IFIH1: variants seen among roughly 807,000 people sequenced by gnomAD.
The protein encoded by IFIH1 is interferon-induced helicase C domain-containing protein 1.
In IFIH1, 125 loss-of-function variants were observed where a neutral mutation model predicts 107.4. The observed-to-expected ratio is 1.16, with a 90% CI of 1.01 to 1.35. The LOEUF (loss-of-function observed/expected upper bound fraction) is 1.35, where lower values mean the gene tolerates loss of function less well. Among genes scored for constraint, IFIH1 ranks in the 40% most tolerant of loss-of-function variants. The probability of loss-of-function intolerance (pLI) is 0.00; values close to 1 mark genes in which losing one functional copy is unlikely to be tolerated. For synonymous variants in IFIH1, 458 were observed against 413.2 expected, an observed-to-expected ratio of 1.11 and a Z score of -1.31; for missense variants, 1,333 against 1,213.7, an observed-to-expected ratio of 1.10 and a Z score of -1.46.
At chr2:162,317,012 A>G (rs1327333038) in intron 1 of IFIH1, among the ~76,000 whole-genome samples, 2 of 143,956 alleles carry the variant, frequency 1.4e-5, no homozygotes. Flanking sequence ...GATTAAAGAA[A>G]AAGGGTGTGT....
chr2:162,295,817 G>A (rs1187963839), intron 3 of IFIH1, among the ~76,000 whole-genome samples: 1 of 151,910 alleles, frequency 6.6e-6, no homozygotes, highest in East Asian at 1.9e-4. Flanking sequence ...AGCGTTTTGG[G>A]CAGATGTACT....
At chr2:162,272,653 C>T (rs1691067216) in intron 12 of IFIH1, among the ~76,000 whole-genome samples, 1 of 152,080 alleles carries the variant, frequency 6.6e-6, no homozygotes, top group Non-Finnish European at 1.5e-5. Flanking sequence ...TCATCCTGTC[C>T]AGGCTTTTTG....
At position 162,273,929 on chromosome 2, in the gene IFIH1, C is replaced by T. The variant is rs763719865; in HGVS notation, c.2320G>A (p.Val774Ile). 1 of 1,601,928 alleles carries T rather than the reference C, an allele frequency of 6.2e-7. No individual in the cohort carries two copies. The highest frequency in any genetic ancestry group is 1.7e-5 in the Admixed American group (1 of 59,162). Reference sequence around the variant, plus strand: ...TTTCCAGTGCGAAATTTACTAATGACTTCTTTTTGTTCATTCTGTAGAAAC... The same window carrying T: ...TTTCCAGTGCGAAATTTACTAATGATTTCTTTTTGTTCATTCTGTAGAAAC... ...KPMTQNEQKE[V>I]ISKFRTGKIN... The change falls in exon 12 of 16, where the codon GTC becomes ATC. Residue 774 changes from valine (V) to isoleucine (I), a missense_variant. Val to Ile is a conservative substitution (Grantham distance 29). Coordinates refer to ENST00000649979, the MANE Select transcript of IFIH1 (RefSeq NM_022168.4).
At position 162,318,285 on chromosome 2, in the gene IFIH1, T is replaced by C; in HGVS notation, c.23A>G (p.Asp8Gly). 6.2e-7 allele frequency: 1 copy of C among 1,613,780 alleles called. No individual in the cohort carries two copies. The highest frequency in any genetic ancestry group is 8.5e-7 in the Non-Finnish European group (1 of 1,179,804). ...CGAGATGAGATAGCGGAAATTCTCG[T>C]CTGTGGAATACCCATTCGACATCTT... MSNGYST[D>G]ENFRYLISCF... Residue 8 changes from aspartate (D) to glycine (G), a missense_variant, in exon 1 of 16, where the codon GAC (aspartate) becomes GGC (glycine). Asp to Gly is a moderately conservative substitution (Grantham distance 94, BLOSUM62 -1). Transcript: ENST00000649979.
intron 3 of IFIH1, among the ~76,000 whole-genome samples, chr2:162,300,598 CTCTT>C (rs1456879795): frequency 6.6e-6 from 1 of 152,168 alleles, no homozygotes; most frequent in Non-Finnish European, 1.5e-5. Flanking sequence ...CAGCATCTCT[CTCTT>C]TCTCTCAGCT....
At chr2:162,274,854 C>T (rs977126427) in intron 11 of IFIH1, among the ~76,000 whole-genome samples, 1 of 152,086 alleles carries the variant, frequency 6.6e-6, no homozygotes, top group African/African-American at 2.4e-5. Flanking sequence ...AATAAAGCTG[C>T]CAGACCAAAA....
intron 1 of IFIH1, among the ~76,000 whole-genome samples, chr2:162,314,747 C>T (rs1010149615): frequency 3.9e-5 from 6 of 152,040 alleles, no homozygotes; most frequent in African/African-American, 1.2e-4. Flanking sequence ...CTCGGCCTCC[C>T]AAAGTGCTGG....
chr2:162,267,602 A>G, intron 14 of IFIH1, 33 bp from the exon 15 acceptor site: 1 of 1,465,766 alleles, frequency 6.8e-7, no homozygotes, highest in Non-Finnish European at 9.6e-7. Context: ...ATCATCATGG[A>G]GAACTGACAA....
chr2:162,282,703 C>T (rs948439229), intron 5 of IFIH1, 127 bp from the exon 6 acceptor site: 13 of 617,748 alleles, frequency 2.1e-5, no homozygotes, highest in Non-Finnish European at 3.7e-5. Context: ...TCAGGCATAA[C>T]AACGTTCCCA....
At chr2:162,302,185 A>T (rs1558873639) in intron 3 of IFIH1, among the ~76,000 whole-genome samples, 1 of 152,158 alleles carries the variant, frequency 6.6e-6, no homozygotes, top group Non-Finnish European at 1.5e-5. Context: ...AGTGTGTCTT[A>T]TCCATCAGAT....
chr2:162,305,880 A>G (rs1683272006), intron 3 of IFIH1, among the ~76,000 whole-genome samples: 1 of 152,234 alleles, frequency 6.6e-6, no homozygotes. Flanking sequence ...AAGATGTGCC[A>G]CTGCACAGCT....
At chr2:162,271,484 C>T (rs896348888) in intron 13 of IFIH1, among the ~76,000 whole-genome samples, 2 of 151,758 alleles carry the variant, frequency 1.3e-5, no homozygotes, top group African/African-American at 4.8e-5. Context: ...AGAGGGATAG[C>T]ATTAAGAGAA....
At chr2:162,285,121 T>G (rs1178410828) in intron 5 of IFIH1, among the ~76,000 whole-genome samples, 1 of 151,974 alleles carries the variant, frequency 6.6e-6, no homozygotes. Flanking sequence ...TTTCTTGAGA[T>G]GTGACAGAGT....
intron 13 of IFIH1, among the ~76,000 whole-genome samples, chr2:162,270,857 A>C (rs1318591577): frequency 6.6e-6 from 1 of 152,198 alleles, no homozygotes; most frequent in Non-Finnish European, 1.5e-5. Flanking sequence ...TTTTAAAATA[A>C]AGTTTTGTGC....
At chr2:162,313,469 G>T (rs1683418089) in intron 1 of IFIH1, among the ~76,000 whole-genome samples, 1 of 152,066 alleles carries the variant, frequency 6.6e-6, no homozygotes, top group Non-Finnish European at 1.5e-5. Flanking sequence ...AATTAATTTG[G>T]TAATAATACA....
Position 162,282,435 on chromosome 2 carries a change from T to C in IFIH1, c.1237A>G (p.Thr413Ala). The change falls in exon 6 of 16, where the codon ACA becomes GCA. Residue 413 changes from threonine to alanine, a missense_variant. Physicochemically the swap from Thr to Ala is moderately conservative, Grantham distance 58 (BLOSUM62 0). Transcript: ENST00000649979. ...AGGGAGTTTTCAAGGATTTGAGCTG[T>C]ACTGATAATAATATCACAGGACTTG... ...VVKSCDIIIS[T>A]AQILENSLLN... 1 of 1,612,192 alleles carries C rather than the reference T, an allele frequency of 6.2e-7. No homozygotes were observed. The highest frequency in any genetic ancestry group is 8.5e-7 in the Non-Finnish European group (1 of 1,178,740).
chr2:162,316,048 C>T (rs1359246165), intron 1 of IFIH1, among the ~76,000 whole-genome samples: 1 of 152,198 alleles, frequency 6.6e-6, no homozygotes, highest in African/African-American at 2.4e-5. Flanking sequence ...TGTCAAATCC[C>T]TTGCATTACT....
chr2:162,303,646 G>C (rs1344382015), intron 3 of IFIH1, among the ~76,000 whole-genome samples: 1 of 148,906 alleles, frequency 6.7e-6, no homozygotes, highest in Non-Finnish European at 1.5e-5. Context: ...AGATAGAGAG[G>C]AAGGAACCCA....
At chr2:162,297,566 A>G (rs1683114942) in intron 3 of IFIH1, among the ~76,000 whole-genome samples, 2 of 152,174 alleles carry the variant, frequency 1.3e-5, no homozygotes. Context: ...AAACTCGAAG[A>G]GAAACAAATT....
Sources: gnomAD v4.1 joint callset for allele counts (sites outside exome capture counted in the v4.1 genomes callset) on GRCh38, gnomAD v4.1.1 for gene constraint, MANE v1.5 for transcripts, NCBI Gene and HGNC (gene_info 2026-07-23, HGNC 2026-07-21) for gene names.